FAM171B: variants seen among roughly 807,000 people sequenced by gnomAD.
FAM171B encodes the protein family with sequence similarity 171 member B, also known as protein FAM171B.
FAM171B carries 19 observed loss-of-function variants against 75.6 expected under a neutral mutation model. The observed-to-expected ratio is 0.25, with a 90% CI of 0.18 to 0.37. The LOEUF (loss-of-function observed/expected upper bound fraction) is 0.37. Ranked by LOEUF, FAM171B falls within the 10% of genes least tolerant of loss-of-function variation. The pLI is 1.00. For missense variants in FAM171B, 848 were observed against 982.4 expected (o/e 0.86, Z 1.83); for synonymous variants, 367 against 361.7 (o/e 1.01, Z -0.17).
chr2:186,735,659 A>G (rs1265739772), intron 1 of FAM171B, among the ~76,000 whole-genome samples: 1 of 152,206 alleles, frequency 6.6e-6, no homozygotes, highest in African/African-American at 2.4e-5. Context: ...TGAAGGCAAC[A>G]GGCAAGAGGA....
intron 1 of FAM171B, among the ~76,000 whole-genome samples, chr2:186,696,372 C>T (rs186107415): frequency 1.1e-3 from 165 of 150,630 alleles, no homozygotes; most frequent in Non-Finnish European, 1.8e-3. Context: ...CCTTTGAATG[C>T]ATTGTGATCT....
intron 3 of FAM171B, among the ~76,000 whole-genome samples, chr2:186,746,666 C>T (rs941139091): frequency 3.3e-5 from 5 of 152,204 alleles, no homozygotes; most frequent in Non-Finnish European, 7.3e-5. Flanking sequence ...GCAAAACACA[C>T]ATTGTATCTC....
In FAM171B at chr2:186,756,257, G is replaced by C. The variant is rs549861125; in HGVS notation, c.1012+2208G>C. ...GTTTGAATTAGAGACCTTCTATAGT[G>C]ATGCTTTTGAAGAATTTATTCTGCA... is the stretch of plus-strand genomic sequence containing the variant. On this transcript the variant is annotated intron_variant, in intron 6 of 7. Transcript: ENST00000304698. Among the ~76,000 whole-genome samples the C allele has an allele frequency of 1.2e-4, 14 of 121,114 alleles. 1 individual carries two copies. The South Asian group carries it at 4.0e-3, about 35-fold the overall frequency. The allele number at this position is 121,114 out of a possible 152,430, so 79.5% of individuals were successfully genotyped here.
intron 1 of FAM171B, among the ~76,000 whole-genome samples, chr2:186,714,738 G>A (rs1411553708): frequency 6.6e-6 from 1 of 152,180 alleles, no homozygotes; most frequent in East Asian, 1.9e-4. Context: ...TGGCAGGAAG[G>A]CATCACCCCT....
rs143163135 is a variant in FAM171B at position 186,740,334 on chromosome 2, A to G, written c.345A>G (p.Thr115=). The G allele has an allele frequency of 3.7e-6, 6 of 1,614,022 alleles. No homozygotes were observed. The African/African-American group carries it at 4.0e-5, about 11-fold the overall frequency. ...VFVNYTKTNS[T]VTKSNGAVLI... ...TAAACTACACGAAGACAAATTCCAC[A>G]GTAACTAAAAGCAATGGAGCAGTGC... The change falls in exon 2 of 8, where the codon ACA becomes ACG. Residue 115 remains threonine, a synonymous_variant. Transcript: ENST00000304698.
At position 186,721,053 on chromosome 2, in the gene FAM171B, CAG is replaced by C. The variant is rs1286992513; in HGVS notation, c.239-19173_239-19172del. ...ATTCTTACTGTTTTAGTAAGAGAAA[CAG>C]AACAATTAAATATGAACCGAAGAAG... is the stretch of plus-strand genomic sequence containing the variant. On this transcript the variant is annotated intron_variant, in intron 1 of 7. Coordinates refer to ENST00000304698, the MANE Select transcript of FAM171B (RefSeq NM_177454.4). Among the ~76,000 whole-genome samples the C allele has an allele frequency of 8.5e-5, 13 of 152,200 alleles. No homozygotes were observed. The East Asian group carries it at 2.3e-3, about 27-fold the overall frequency.
intron 4 of FAM171B, among the ~76,000 whole-genome samples, chr2:186,748,904 C>T (rs755410844): frequency 3.3e-5 from 5 of 152,112 alleles, no homozygotes; most frequent in East Asian, 1.9e-4. Context: ...AAATGAAGCT[C>T]ATGGCGCTGG....
At chr2:186,755,773 C>T (rs1337439744) in intron 6 of FAM171B, among the ~76,000 whole-genome samples, 1 of 152,156 alleles carries the variant, frequency 6.6e-6, no homozygotes, top group Non-Finnish European at 1.5e-5. Flanking sequence ...CCCACCTCAG[C>T]CTCTTAAGAA....
chr2:186,762,637 T>C lies in FAM171B; in HGVS notation c.2295T>C (p.Asp765=). 6.2e-7 allele frequency: 1 copy of C among 1,609,700 alleles called. No individual in the cohort carries two copies. The highest frequency in any genetic ancestry group is 8.5e-7 in the Non-Finnish European group (1 of 1,178,798). Residue 765 remains aspartate, a synonymous_variant, in exon 8 of 8, where the codon GAT becomes GAC. Coordinates refer to ENST00000304698, the MANE Select transcript of FAM171B (RefSeq NM_177454.4). This position sits in a 1 kb window ranked among gnomAD's most constrained non-coding sequence, Gnocchi z 4.0. The part of the protein sequence containing the change: ...PEDPALRHIL[D]GGSGVIMEHP... ...ACCCAGCTTTAAGGCACATCCTAGATGGAGGGAGTGGAGTGATCATGGAGC... is the reference window on the plus strand; with the variant it reads ...ACCCAGCTTTAAGGCACATCCTAGACGGAGGGAGTGGAGTGATCATGGAGC...
intron 1 of FAM171B, among the ~76,000 whole-genome samples, chr2:186,739,551 C>A (rs1282345286): frequency 2.6e-5 from 4 of 151,976 alleles, no homozygotes; most frequent in Non-Finnish European, 5.9e-5. Context: ...TTAGCCCAGG[C>A]CTACACAGGG....
intron 5 of FAM171B, among the ~76,000 whole-genome samples, chr2:186,753,213 C>T (rs574824260): frequency 6.6e-6 from 1 of 152,084 alleles, no homozygotes; most frequent in African/African-American, 2.4e-5. Context: ...CAGTGGCGCA[C>T]TCTCAGCTCA....
rs1395677839 is a variant in FAM171B, at chr2:186,740,787, C to T, written c.472+326C>T. Among the ~76,000 whole-genome samples the T allele has an allele frequency of 2.4e-4, 37 of 152,130 alleles. 1 individual carries two copies. On this transcript the variant is annotated intron_variant, in intron 2 of 7. Coordinates refer to ENST00000304698, the MANE Select transcript of FAM171B (RefSeq NM_177454.4). ...GTTTATAGATGACATCTTCTGTGTC[C>T]TCACATGGTAGAATGGGCAAACAAG... is the stretch of plus-strand genomic sequence containing the variant.
chr2:186,749,074 A>T (rs1376846821), intron 4 of FAM171B, among the ~76,000 whole-genome samples: 3 of 152,204 alleles, frequency 2.0e-5, no homozygotes, highest in Non-Finnish European at 4.4e-5. Flanking sequence ...GTGCTGCCAA[A>T]TGGAAATATT....
At chr2:186,736,327 G>C (rs1656367066) in intron 1 of FAM171B, among the ~76,000 whole-genome samples, 1 of 152,092 alleles carries the variant, frequency 6.6e-6, no homozygotes, top group South Asian at 2.1e-4. Flanking sequence ...GTTAGCCATG[G>C]TTCACTTTCA....
chr2:186,699,776 A>G (rs1422504920), intron 1 of FAM171B, among the ~76,000 whole-genome samples: 1 of 152,128 alleles, frequency 6.6e-6, no homozygotes, highest in Non-Finnish European at 1.5e-5. Flanking sequence ...TAAATCTTTA[A>G]TCCATTTTGA....
chr2:186,712,060 T>TC (rs1326313017), intron 1 of FAM171B, among the ~76,000 whole-genome samples: 1 of 152,212 alleles, frequency 6.6e-6, no homozygotes, highest in Non-Finnish European at 1.5e-5. Context: ...TGCCTTGTGC[T>TC]CAGTAAGTGC....
intron 1 of FAM171B, among the ~76,000 whole-genome samples, chr2:186,720,682 T>C (rs1205575410): frequency 7.3e-6 from 1 of 137,490 alleles, no homozygotes; most frequent in Admixed American, 7.6e-5. Flanking sequence ...TTTCCAAATT[T>C]TCTGTGTAGA....
At chr2:186,726,810 G>A (rs929242198) in intron 1 of FAM171B, among the ~76,000 whole-genome samples, 8 of 152,102 alleles carry the variant, frequency 5.3e-5, no homozygotes, top group African/African-American at 1.9e-4. Context: ...GAAAGGAAGA[G>A]GAATCTTATT....
At chr2:186,749,428 G>T (rs114123990) in intron 4 of FAM171B, among the ~76,000 whole-genome samples, 2,301 of 152,298 alleles carry the variant, frequency 0.015, 31 homozygotes, top group Non-Finnish European at 0.023. Context: ...GTAGTTTGAT[G>T]TAGTTACTTA....
Sources: allele counts gnomAD v4.1 joint callset (sites outside exome capture counted in the v4.1 genomes callset), GRCh38; gene constraint gnomAD v4.1.1; non-coding constraint Gnocchi (gnomAD v3.1); transcripts MANE v1.5; gene names NCBI Gene and HGNC (gene_info 2026-07-23, HGNC 2026-07-21).